Variants in OSBPL10 observed in about 807,000 individuals in gnomAD.
OSBPL10 encodes oxysterol-binding protein-related protein 10.
In OSBPL10, 49 loss-of-function variants were observed where a neutral mutation model predicts 81.7. That is an observed-to-expected ratio of 0.60 (90% CI 0.48 to 0.76). The LOEUF (loss-of-function observed/expected upper bound fraction) is 0.76, where lower values mean the gene tolerates loss of function less well. Ranked by LOEUF, OSBPL10 falls within the 30% of genes least tolerant of loss-of-function variation. The probability of loss-of-function intolerance (pLI) is 0.00; values close to 1 mark genes in which losing one functional copy is unlikely to be tolerated. For synonymous variants in OSBPL10, 419 were observed against 383.6 expected, an observed-to-expected ratio of 1.09 and a Z score of -1.08; for missense variants, 923 against 987.8, an observed-to-expected ratio of 0.93 and a Z score of 0.88.
intron 2 of OSBPL10, among the ~76,000 whole-genome samples, chr3:32,041,118 C>G (rs537046007): frequency 6.6e-6 from 1 of 152,070 alleles, no homozygotes; most frequent in Admixed American, 6.5e-5. Context: ...CAGCTTCCTC[C>G]GTGCCACATA....
intron 1 of OSBPL10, among the ~76,000 whole-genome samples, chr3:31,959,076 C>T (rs1437571028): frequency 2.0e-5 from 3 of 152,194 alleles, no homozygotes; most frequent in Admixed American, 6.5e-5. Flanking sequence ...AGAGTGGAGA[C>T]GCACGCAATG....
At chr3:31,675,563 A>G (rs1700446694) in intron 8 of OSBPL10, among the ~76,000 whole-genome samples, 1 of 152,210 alleles carries the variant, frequency 6.6e-6, no homozygotes, top group African/African-American at 2.4e-5. Context: ...AGCATGGCAC[A>G]CTGCCAAAAT....
At chr3:31,997,469 TG>T (rs1269499231) in intron 2 of OSBPL10, among the ~76,000 whole-genome samples, 3 of 151,974 alleles carry the variant, frequency 2.0e-5, no homozygotes, top group African/African-American at 7.3e-5. Context: ...TTCACCATGT[TG>T]GCCAGGATGG....
intron 2 of OSBPL10, among the ~76,000 whole-genome samples, chr3:32,002,040 C>T (rs982374554): frequency 6.6e-6 from 1 of 152,184 alleles, no homozygotes. Context: ...AGGGTTCAAA[C>T]CCAGCTCTGA....
chr3:31,897,362 C>T (rs1358760454), intron 1 of OSBPL10, among the ~76,000 whole-genome samples: 3 of 152,106 alleles, frequency 2.0e-5, no homozygotes, highest in Admixed American at 6.5e-5. Flanking sequence ...TCTCAGAAGG[C>T]ATCAGGACTG....
At chr3:31,927,159 A>G (rs540228412) in intron 1 of OSBPL10, among the ~76,000 whole-genome samples, 3 of 152,124 alleles carry the variant, frequency 2.0e-5, no homozygotes, top group Non-Finnish European at 2.9e-5. Flanking sequence ...AAAGCTACAC[A>G]CTCTGGACCC....
intron 1 of OSBPL10, among the ~76,000 whole-genome samples, chr3:31,936,730 C>T (rs374369581): frequency 2.0e-5 from 3 of 152,010 alleles, no homozygotes; most frequent in East Asian, 3.9e-4. Flanking sequence ...ATAAAACTTC[C>T]ATGAAAAGAG....
chr3:31,713,109 C>T (rs1162544882), intron 6 of OSBPL10, among the ~76,000 whole-genome samples: 3 of 152,188 alleles, frequency 2.0e-5, no homozygotes, highest in Non-Finnish European at 2.9e-5. Context: ...TCATAAAGTT[C>T]ATCACATAAC....
intron 3 of OSBPL10, among the ~76,000 whole-genome samples, chr3:31,863,696 A>G (rs1701110284): frequency 6.6e-6 from 1 of 152,228 alleles, no homozygotes; most frequent in Non-Finnish European, 1.5e-5. Context: ...CCTTATGACT[A>G]TTAGTTTCCT....
At chr3:32,034,440 C>CG (rs1466338601) in intron 2 of OSBPL10, among the ~76,000 whole-genome samples, 44 of 28,656 alleles carry the variant, frequency 1.5e-3, no homozygotes, top group Middle Eastern at 0.015. Flanking sequence ...GACCCTGTAG[C>CG]GGAAAAAAAA....
At chr3:31,879,465 C>T (rs1184615121) in intron 2 of OSBPL10, 190 bp downstream of exon 2, 1 of 584,032 alleles carries the variant, frequency 1.7e-6, no homozygotes. Context: ...TTAATTAGGA[C>T]AAGTAATTCC....
chr3:32,037,322 A>G (rs1367404554), intron 2 of OSBPL10, among the ~76,000 whole-genome samples: 2 of 152,186 alleles, frequency 1.3e-5, no homozygotes, highest in Admixed American at 6.5e-5. Context: ...AAATCCTAGA[A>G]TGAAAACAGG....
At chr3:31,807,331 C>G (rs1317503745) in intron 4 of OSBPL10, among the ~76,000 whole-genome samples, 1 of 151,780 alleles carries the variant, frequency 6.6e-6, no homozygotes, top group African/African-American at 2.4e-5. Flanking sequence ...AGAGATCGTG[C>G]CACTACACTC....
intron 4 of OSBPL10, among the ~76,000 whole-genome samples, chr3:31,792,711 G>C (rs925634904): frequency 6.7e-6 from 1 of 150,002 alleles, no homozygotes; most frequent in Admixed American, 6.7e-5. Context: ...GGGTGTGTGT[G>C]TTTTACACTC....
intron 2 of OSBPL10, among the ~76,000 whole-genome samples, chr3:32,031,199 A>G (rs1314098309): frequency 6.6e-6 from 1 of 151,962 alleles, no homozygotes; most frequent in African/African-American, 2.4e-5. Flanking sequence ...AAAGAAAACA[A>G]TTGAGGAGAA....
intron 5 of OSBPL10, among the ~76,000 whole-genome samples, chr3:31,744,516 T>G: frequency 8.8e-6 from 1 of 113,580 alleles, no homozygotes; most frequent in African/African-American, 3.3e-5. Flanking sequence ...CCACCCTGGG[T>G]GATAGAGCGA....
intron 4 of OSBPL10, among the ~76,000 whole-genome samples, chr3:31,750,690 A>G (rs559897154): frequency 6.6e-6 from 1 of 152,280 alleles, no homozygotes; most frequent in African/African-American, 2.4e-5. Context: ...AGAAAAATGC[A>G]CTGAAAAGAA....
intron 2 of OSBPL10, among the ~76,000 whole-genome samples, chr3:31,995,106 A>C (rs1446885769): frequency 3.9e-5 from 6 of 152,232 alleles, no homozygotes; most frequent in African/African-American, 1.4e-4. Flanking sequence ...CAAGGACAAA[A>C]TCAGAACTCC....
At chr3:31,693,051 C>T (rs1023933127) in intron 7 of OSBPL10, among the ~76,000 whole-genome samples, 4 of 152,180 alleles carry the variant, frequency 2.6e-5, no homozygotes, top group African/African-American at 9.7e-5. Flanking sequence ...TATTAAAAGG[C>T]AAACACTCGG....
Sources: allele counts gnomAD v4.1 joint callset (sites outside exome capture counted in the v4.1 genomes callset), GRCh38; gene constraint gnomAD v4.1.1; transcripts MANE v1.5; gene names NCBI Gene and HGNC (gene_info 2026-07-23, HGNC 2026-07-21).